Variants in SLC2A13 observed in about 807,000 individuals in gnomAD.
SLC2A13 encodes solute carrier family 2 member 13.
A neutral mutation model predicts 64.4 loss-of-function variants in SLC2A13; 32 were observed. The observed-to-expected ratio is 0.50, with a 90% CI of 0.37 to 0.67. The LOEUF is 0.67. Ranked by LOEUF, SLC2A13 falls within the 30% of genes least tolerant of loss-of-function variation. The pLI, the probability that SLC2A13 is intolerant of heterozygous loss-of-function variation, is 0.00. For synonymous variants in SLC2A13, 338 were observed against 327.1 expected (o/e 1.03, Z -0.36); for missense variants, 743 against 829.2 (o/e 0.90, Z 1.28).
chr12:39,863,930 C>T (rs539237023), intron 6 of SLC2A13, among the ~76,000 whole-genome samples: 2 of 152,260 alleles, frequency 1.3e-5, no homozygotes, highest in African/African-American at 2.4e-5. Flanking sequence ...ATCATTTACT[C>T]ATTGATTTGA....
intron 4 of SLC2A13, among the ~76,000 whole-genome samples, chr12:39,923,811 C>T (rs992043783): frequency 6.6e-6 from 1 of 151,834 alleles, no homozygotes; most frequent in Non-Finnish European, 1.5e-5. Context: ...AACCTCATCG[C>T]ACCTCAACAC....
chr12:40,096,569 C>T (rs1938951709), intron 1 of SLC2A13, among the ~76,000 whole-genome samples: 2 of 151,856 alleles, frequency 1.3e-5, no homozygotes, highest in Admixed American at 1.3e-4. Context: ...ACCTAAATTT[C>T]ATTTACATTA....
intron 9 of SLC2A13, among the ~76,000 whole-genome samples, chr12:39,762,220 C>T (rs1404230505): frequency 6.6e-6 from 1 of 152,018 alleles, no homozygotes; most frequent in African/African-American, 2.4e-5. Context: ...ATGGTCAAAT[C>T]AGTCACTATC....
rs1592105740 is a variant in SLC2A13, at chr12:39,755,641, G to C, written c.*4385C>G. On this transcript the variant is annotated 3_prime_UTR_variant, in exon 10 of 10. Transcript: ENST00000280871. ...TTTACAAAATGTTGGTTACTCATTAGCTGCATGATCCACTTCTTTTTCTCA... is the reference window on the plus strand; with the variant it reads ...TTTACAAAATGTTGGTTACTCATTACCTGCATGATCCACTTCTTTTTCTCA... The C allele has an allele frequency of 6.6e-6, 1 of 151,964 alleles. No homozygotes were observed. Among genetic ancestry groups the C allele is most frequent in the Non-Finnish European group, 1.5e-5 (1 of 67,870 alleles). The allele number at this position is 151,964 out of a possible 1,614,324, so 9.4% of individuals were successfully genotyped here.
intron 1 of SLC2A13, among the ~76,000 whole-genome samples, chr12:40,053,415 A>C (rs1162214329): frequency 6.6e-6 from 1 of 152,116 alleles, no homozygotes; most frequent in Non-Finnish European, 1.5e-5. Context: ...CCACATGGCA[A>C]GTTAATGTCA....
intron 2 of SLC2A13, among the ~76,000 whole-genome samples, chr12:40,046,958 G>A (rs1322891388): frequency 2.0e-5 from 3 of 151,214 alleles, no homozygotes; most frequent in Non-Finnish European, 2.9e-5. Flanking sequence ...CTGGAGTGCA[G>A]TGGTACACTC....
intron 3 of SLC2A13, among the ~76,000 whole-genome samples, chr12:39,970,056 A>G (rs1946614440): frequency 1.3e-5 from 2 of 152,190 alleles, no homozygotes; most frequent in South Asian, 4.1e-4. Flanking sequence ...TTAAACAGGG[A>G]ATCCTTTCCC....
intron 4 of SLC2A13, among the ~76,000 whole-genome samples, chr12:39,927,668 G>A (rs965898733): frequency 6.6e-6 from 1 of 152,088 alleles, no homozygotes; most frequent in African/African-American, 2.4e-5. Context: ...AAGTTTTTAT[G>A]CAATGATATA....
chr12:40,070,462 C>T (rs1937910072), intron 1 of SLC2A13, among the ~76,000 whole-genome samples: 3 of 152,208 alleles, frequency 2.0e-5, no homozygotes, highest in East Asian at 1.9e-4. Flanking sequence ...CACTTCACTT[C>T]GCTTGGTACT....
intron 4 of SLC2A13, among the ~76,000 whole-genome samples, chr12:39,939,770 A>G (rs948710362): frequency 6.6e-6 from 1 of 152,214 alleles, no homozygotes; most frequent in Non-Finnish European, 1.5e-5. Flanking sequence ...TTTAGGCCAA[A>G]ACTATTTTTC....
rs1244705806 is a variant in SLC2A13, at chr12:40,105,907, C to T, written c.-99G>A. ...AGCCGGCGGGAGCAACCGCCGCTGCCGCCGCTTTCTTCCTCCCGGCTTCCG... is the reference window on the plus strand; with the variant it reads ...AGCCGGCGGGAGCAACCGCCGCTGCTGCCGCTTTCTTCCTCCCGGCTTCCG... On this transcript the variant is annotated 5_prime_UTR_variant, in exon 1 of 10. Coordinates refer to ENST00000280871, the MANE Select transcript of SLC2A13 (RefSeq NM_052885.4). The surrounding 1 kb of genome is among the most constrained non-coding windows in gnomAD (Gnocchi z 4.2). The T allele has an allele frequency of 4.0e-6, 5 of 1,254,248 alleles. No individual in the cohort carries two copies. The African/African-American group carries it at 6.3e-5, about 16-fold the overall frequency. The allele number at this position is 1,254,248 out of a possible 1,614,324, so 77.7% of individuals were successfully genotyped here.
At chr12:39,957,080 A>C (rs958461698) in intron 3 of SLC2A13, among the ~76,000 whole-genome samples, 7 of 152,214 alleles carry the variant, frequency 4.6e-5, no homozygotes, top group Non-Finnish European at 7.3e-5. Flanking sequence ...AAGAGTATTA[A>C]GCATTTGCTC....
intron 4 of SLC2A13, among the ~76,000 whole-genome samples, chr12:39,882,442 C>G (rs1944362937): frequency 6.6e-6 from 1 of 152,224 alleles, no homozygotes; most frequent in Admixed American, 6.5e-5. Flanking sequence ...AATTCCAACT[C>G]TACCTATATC....
chr12:39,802,589 G>T (rs1941830915), intron 7 of SLC2A13, among the ~76,000 whole-genome samples: 1 of 152,094 alleles, frequency 6.6e-6, no homozygotes, highest in African/African-American at 2.4e-5. Flanking sequence ...AAGAAAACTT[G>T]TATGTTTCTG....
chr12:39,860,394 G>A (rs1943727152), intron 6 of SLC2A13, among the ~76,000 whole-genome samples: 2 of 152,180 alleles, frequency 1.3e-5, no homozygotes, highest in South Asian at 4.1e-4. Context: ...GAATTGCAAA[G>A]GTAGCTAGAG....
chr12:39,988,556 A>C (rs1463347880), intron 3 of SLC2A13, among the ~76,000 whole-genome samples: 1 of 150,502 alleles, frequency 6.6e-6, no homozygotes, highest in Non-Finnish European at 1.5e-5. Flanking sequence ...AAACAAAGGA[A>C]AGAAAGAAAG....
intron 6 of SLC2A13, among the ~76,000 whole-genome samples, chr12:39,858,152 C>G (rs1943656033): frequency 6.6e-6 from 1 of 152,170 alleles, no homozygotes; most frequent in Admixed American, 6.5e-5. Context: ...GAATCCTCTC[C>G]AGGTGTCAAA....
intron 4 of SLC2A13, among the ~76,000 whole-genome samples, chr12:39,934,870 A>T (rs959475048): frequency 6.6e-6 from 1 of 152,112 alleles, no homozygotes; most frequent in Non-Finnish European, 1.5e-5. Context: ...AACACTGTTC[A>T]TTTCTCTTCC....
chr12:40,094,446 A>C (rs903033943), intron 1 of SLC2A13, among the ~76,000 whole-genome samples: 2 of 152,202 alleles, frequency 1.3e-5, no homozygotes, highest in Admixed American at 6.5e-5. Flanking sequence ...GGGAAAGAGC[A>C]GCCTACAGAA....
Sources: allele counts gnomAD v4.1 joint callset (sites outside exome capture counted in the v4.1 genomes callset), GRCh38; gene constraint gnomAD v4.1.1; non-coding constraint Gnocchi (gnomAD v3.1); transcripts MANE v1.5; gene names NCBI Gene and HGNC (gene_info 2026-07-23, HGNC 2026-07-21).